The following DCDC1 variants were observed in gnomAD, a reference collection of about 807,000 sequenced individuals.
DCDC1 encodes doublecortin domain-containing protein 1.
Under a neutral mutation model 178.3 loss-of-function variants are expected in DCDC1, and 200 were observed. The observed-to-expected ratio is 1.12, with a 90% CI of 1.00 to 1.26. The LOEUF is 1.26. Ranked by LOEUF, DCDC1 falls within the 50% of genes most tolerant of loss-of-function variation. The pLI is 0.00. For missense variants in DCDC1, 1,983 were observed against 1,749.2 expected (o/e 1.13, Z -2.38); for synonymous variants, 690 against 604.8 (o/e 1.14, Z -2.07).
At chr11:31,060,158 T>G (rs972203879) in intron 20 of DCDC1, among the ~76,000 whole-genome samples, 1 of 152,084 alleles carries the variant, frequency 6.6e-6, no homozygotes, top group African/African-American at 2.4e-5. Flanking sequence ...TATATTCTCC[T>G]AAAATGGTAA....
chr11:31,170,811 TTTTTA>T (rs1247883321), intron 9 of DCDC1, among the ~76,000 whole-genome samples: 4 of 152,118 alleles, frequency 2.6e-5, no homozygotes, highest in South Asian at 2.1e-4. Flanking sequence ...AAGATCAGCT[TTTTTA>T]TTTTATTTTA....
intron 6 of DCDC1, among the ~76,000 whole-genome samples, chr11:31,294,767 A>G (rs1947507885): frequency 6.7e-6 from 1 of 150,066 alleles, no homozygotes; most frequent in Non-Finnish European, 1.5e-5. Flanking sequence ...AAATAGAAAG[A>G]GAAAGAAAGA....
chr11:31,141,512 A>C (rs887474878), intron 9 of DCDC1, among the ~76,000 whole-genome samples: 21 of 152,300 alleles, frequency 1.4e-4, no homozygotes, highest in African/African-American at 5.1e-4. Context: ...ACATGACCCA[A>C]CAAGAAAACT....
intron 1 of DCDC1, among the ~76,000 whole-genome samples, chr11:31,359,954 T>C (rs1951623521): frequency 1.3e-5 from 2 of 152,200 alleles, no homozygotes; most frequent in South Asian, 4.1e-4. Flanking sequence ...CCTTTATGTG[T>C]ATGATAATGG....
chr11:31,014,167 C>T (rs1212385513), intron 20 of DCDC1, among the ~76,000 whole-genome samples: 1 of 152,134 alleles, frequency 6.6e-6, no homozygotes, highest in Non-Finnish European at 1.5e-5. Context: ...GGGGAACAGA[C>T]ACCAGAGACA....
chr11:31,355,960 G>T (rs1036860333), intron 1 of DCDC1, among the ~76,000 whole-genome samples: 1 of 152,132 alleles, frequency 6.6e-6, no homozygotes, highest in Non-Finnish European at 1.5e-5. Flanking sequence ...GCCCCAAGGT[G>T]TTATTTGTAC....
intron 36 of DCDC1, among the ~76,000 whole-genome samples, chr11:30,890,195 C>T (rs273572): frequency 0.68 from 104,082 of 152,108 alleles, 35,970 homozygotes; most frequent in Middle Eastern, 0.8. Flanking sequence ...TGCTGTTTAA[C>T]ACTCAGTCTA....
intron 27 of DCDC1, among the ~76,000 whole-genome samples, chr11:30,912,006 G>T (rs1250299819): frequency 6.6e-6 from 1 of 152,202 alleles, no homozygotes; most frequent in Non-Finnish European, 1.5e-5. Flanking sequence ...ATCAAGAGGG[G>T]TCTGCTTGGA....
At chr11:31,252,303 T>C (rs747351452) in intron 8 of DCDC1, among the ~76,000 whole-genome samples, 7 of 152,104 alleles carry the variant, frequency 4.6e-5, no homozygotes, top group Admixed American at 3.9e-4. Context: ...GGCTAAACTA[T>C]TAAATAAAAA....
intron 35 of DCDC1, among the ~76,000 whole-genome samples, chr11:30,893,210 G>GAAT (rs1285155022): frequency 2.0e-5 from 3 of 151,934 alleles, no homozygotes; most frequent in Non-Finnish European, 2.9e-5. Context: ...ACAATCATTA[G>GAAT]AATAATAATA....
chr11:30,946,566 C>T (rs902361612), intron 21 of DCDC1, among the ~76,000 whole-genome samples: 9 of 152,134 alleles, frequency 5.9e-5, no homozygotes, highest in African/African-American at 1.7e-4. Flanking sequence ...ACAATGACTT[C>T]TTGGCTTCAG....
intron 17 of DCDC1, among the ~76,000 whole-genome samples, chr11:31,080,675 T>C (rs1407866010): frequency 6.6e-6 from 1 of 152,188 alleles, no homozygotes; most frequent in Admixed American, 6.5e-5. Flanking sequence ...AGAAGTATAC[T>C]CTTTTCAAAA....
intron 1 of DCDC1, among the ~76,000 whole-genome samples, chr11:31,349,635 T>G (rs905189807): frequency 7.9e-5 from 12 of 152,160 alleles, no homozygotes; most frequent in African/African-American, 2.2e-4. Context: ...ATCATTGTAA[T>G]TTTTTTGTTT....
chr11:31,325,296 C>T (rs1949587989), intron 3 of DCDC1, among the ~76,000 whole-genome samples: 1 of 151,940 alleles, frequency 6.6e-6, no homozygotes, highest in Admixed American at 6.6e-5. Context: ...GGCTATTGCC[C>T]AATTCTGGGT....
intron 20 of DCDC1, among the ~76,000 whole-genome samples, chr11:31,039,777 A>T (rs528821872): frequency 2.0e-3 from 309 of 152,310 alleles, no homozygotes; most frequent in Non-Finnish European, 3.8e-3. Context: ...TTTAAAAGAA[A>T]TAACCAGGAA....
chr11:31,129,574 AT>A (rs1206857912), intron 10 of DCDC1, among the ~76,000 whole-genome samples: 9 of 152,278 alleles, frequency 5.9e-5, no homozygotes, highest in African/African-American at 1.4e-4. Context: ...ACAAAAAAAA[AT>A]AATAATAAGC....
chr11:31,175,770 G>A (rs1967931254), intron 9 of DCDC1, among the ~76,000 whole-genome samples: 2 of 152,164 alleles, frequency 1.3e-5, no homozygotes, highest in Admixed American at 1.3e-4. Flanking sequence ...CACAGGCTAG[G>A]CCACTAAAGC....
intron 3 of DCDC1, among the ~76,000 whole-genome samples, chr11:31,325,536 G>C (rs1949600466): frequency 6.6e-6 from 1 of 152,072 alleles, no homozygotes; most frequent in Admixed American, 6.6e-5. Context: ...TTTTCACTGT[G>C]TTATAAGCAA....
At chr11:31,156,324 A>G (rs1297883123) in intron 9 of DCDC1, among the ~76,000 whole-genome samples, 1 of 152,186 alleles carries the variant, frequency 6.6e-6, no homozygotes, top group African/African-American at 2.4e-5. Flanking sequence ...ACAAATATTC[A>G]TCTGTGAAAA....
Sources: allele counts gnomAD v4.1 joint callset (sites outside exome capture counted in the v4.1 genomes callset), GRCh38; gene constraint gnomAD v4.1.1; transcripts MANE v1.5; gene names NCBI Gene and HGNC (gene_info 2026-07-23, HGNC 2026-07-21).